Variants in FHIT observed in about 807,000 individuals in gnomAD.
FHIT encodes fragile histidine triad diadenosine triphosphatase.
Under a neutral mutation model 17.9 loss-of-function variants are expected in FHIT, and 19 were observed. That is an observed-to-expected ratio of 1.06 (90% CI 0.74 to 1.56). The LOEUF is 1.56. Ranked by LOEUF, FHIT falls within the 40% of genes most tolerant of loss-of-function variation. The pLI is 0.00. For missense variants in FHIT, 248 were observed against 189.2 expected (o/e 1.31, Z -1.82); for synonymous variants, 81 against 69.7 (o/e 1.16, Z -0.81).
intron 8 of FHIT, among the ~76,000 whole-genome samples, chr3:59,885,994 A>C (rs1703607362): frequency 1.3e-5 from 2 of 152,160 alleles, no homozygotes; most frequent in Non-Finnish European, 1.5e-5. Context: ...GGGTTATGGG[A>C]TCAAGGCAAA....
intron 3 of FHIT, among the ~76,000 whole-genome samples, chr3:60,965,086 G>T (rs1292102000): frequency 2.0e-5 from 3 of 152,082 alleles, no homozygotes; most frequent in African/African-American, 7.2e-5. Flanking sequence ...CGTAGATTTG[G>T]TCTTTTCACA....
At chr3:60,036,328 T>C (rs1033348634) in intron 5 of FHIT, among the ~76,000 whole-genome samples, 2 of 152,182 alleles carry the variant, frequency 1.3e-5, no homozygotes, top group Non-Finnish European at 2.9e-5. Context: ...GTTCATATGG[T>C]TAATATACAG....
rs185445047 is a variant in FHIT, at chr3:60,399,494, C to G, written c.103+137366G>C. Among the ~76,000 whole-genome samples, 7 of 152,300 alleles carry G rather than the reference C, an allele frequency of 4.6e-5. No homozygotes were observed. The South Asian group carries it at 1.5e-3, about 32-fold the overall frequency. ...ATCTGATCTCAAGTCTTCTGACTCA[C>G]ACTCTATTTTGGACTGCTTTTGTCT... On this transcript the variant is annotated intron_variant, in intron 5 of 9. Coordinates refer to ENST00000492590, the MANE Select transcript of FHIT (RefSeq NM_002012.4).
Position 59,869,484 on chromosome 3 carries a change from C to CTTTTTTTTTTTTTTTTTTT in FHIT, c.348+52861_348+52862insAAAAAAAAAAAAAAAAAAA, listed in dbSNP as rs59589849. Among the ~76,000 whole-genome samples, 73 of 105,450 alleles carry CTTTTTTTTTTTTTTTTTTT rather than the reference C, an allele frequency of 6.9e-4. 9 individuals are homozygous for CTTTTTTTTTTTTTTTTTTT. Among genetic ancestry groups the CTTTTTTTTTTTTTTTTTTT allele is most frequent in the African/African-American group, 2.7e-3 (65 of 24,110 alleles). 69.2% of individuals were successfully genotyped at this position (105,450 alleles called of 152,430 possible). On this transcript the variant is annotated intron_variant, in intron 8 of 9. Coordinates refer to ENST00000492590, the MANE Select transcript of FHIT (RefSeq NM_002012.4). ...ATTCCATCTTTCCTTAAAGAACATC[C>CTTTTTTTTTTTTTTTTTTT]TTTTTTTTTTTTTTTTAGACAGAGT...
chr3:60,455,488 A>G (rs1023337465), intron 5 of FHIT, among the ~76,000 whole-genome samples: 1 of 152,176 alleles, frequency 6.6e-6, no homozygotes, highest in Non-Finnish European at 1.5e-5. Flanking sequence ...GAACAAAACC[A>G]GTTTAGTGTG....
intron 5 of FHIT, among the ~76,000 whole-genome samples, chr3:60,093,544 G>A (rs545384334): frequency 1.3e-5 from 2 of 152,290 alleles, no homozygotes; most frequent in Admixed American, 6.5e-5. Flanking sequence ...ATTACGACAT[G>A]GAGGTCTTTG....
At chr3:59,929,821 T>A (rs1026601199) in intron 7 of FHIT, among the ~76,000 whole-genome samples, 4 of 150,660 alleles carry the variant, frequency 2.7e-5, no homozygotes, top group African/African-American at 7.3e-5. Context: ...GCAATAACAA[T>A]CCTTTTCTTC....
chr3:60,725,019 C>T lies in FHIT; in HGVS notation c.-18+96900G>A, dbSNP rs192114170. ...TATCTCGTAATGGTTTTGATTTGCA[C>T]TTCCCTGATGGCTAATGATGTTGAG... On this transcript the variant is annotated intron_variant, in intron 4 of 9. Coordinates refer to ENST00000492590, the MANE Select transcript of FHIT (RefSeq NM_002012.4). Among the ~76,000 whole-genome samples, 8 of 152,242 alleles carry T rather than the reference C, an allele frequency of 5.3e-5. No individual in the cohort carries two copies. The East Asian group carries it at 1.4e-3, about 26-fold the overall frequency.
intron 5 of FHIT, among the ~76,000 whole-genome samples, chr3:60,201,902 A>T (rs1201987866): frequency 6.6e-6 from 1 of 152,108 alleles, no homozygotes; most frequent in Non-Finnish European, 1.5e-5. Context: ...TTGTTACATT[A>T]GCTCAGCATA....
At chr3:60,222,197 C>A (rs895202213) in intron 5 of FHIT, among the ~76,000 whole-genome samples, 2 of 151,862 alleles carry the variant, frequency 1.3e-5, no homozygotes, top group African/African-American at 4.8e-5. Context: ...ATCATTCTCT[C>A]TTATTTATTT....
chr3:60,592,384 A>G (rs1319880013), intron 4 of FHIT, among the ~76,000 whole-genome samples: 4 of 151,996 alleles, frequency 2.6e-5, no homozygotes, highest in Non-Finnish European at 5.9e-5. Context: ...AGGTATACCT[A>G]TCTGCAACAG....
chr3:59,927,586 T>A lies in FHIT; in HGVS notation c.280-5172A>T, dbSNP rs193017792. Among the ~76,000 whole-genome samples, 502 of 151,876 alleles carry A rather than the reference T, an allele frequency of 3.3e-3. 1 individual carries two copies. Among genetic ancestry groups the A allele is most frequent in the Non-Finnish European group, 6.0e-3 (411 of 67,982 alleles). On this transcript the variant is annotated intron_variant, in intron 7 of 9. Transcript: ENST00000492590. ...TTCGAGACCAGTCTGACCAACATTG[T>A]GAAACCCCGTCTCTACTAAAAATAC...
intron 4 of FHIT, among the ~76,000 whole-genome samples, chr3:60,647,545 T>C (rs972156679): frequency 2.6e-5 from 4 of 152,130 alleles, no homozygotes; most frequent in Non-Finnish European, 5.9e-5. Flanking sequence ...CTGGTTGTCC[T>C]CTCCTCTGCC....
At chr3:59,765,128 C>T in intron 8 of FHIT, among the ~76,000 whole-genome samples, 1 of 152,176 alleles carries the variant, frequency 6.6e-6, no homozygotes, top group East Asian at 1.9e-4. Context: ...AGAGTTATAA[C>T]TTCATGAATG....
At chr3:59,951,477 T>A (rs1257323952) in intron 7 of FHIT, among the ~76,000 whole-genome samples, 2 of 152,164 alleles carry the variant, frequency 1.3e-5, no homozygotes, top group East Asian at 3.9e-4. Context: ...CTGCTAATTG[T>A]CTTTTACCCA....
chr3:60,899,550 T>C (rs1395373133), intron 3 of FHIT, among the ~76,000 whole-genome samples: 3 of 152,200 alleles, frequency 2.0e-5, no homozygotes, highest in African/African-American at 7.2e-5. Context: ...CGGTAAAGGC[T>C]GCTCAGCAAA....
chr3:60,027,791 C>T (rs537224080), intron 5 of FHIT, among the ~76,000 whole-genome samples: 6 of 151,516 alleles, frequency 4.0e-5, no homozygotes, highest in East Asian at 3.9e-4. Context: ...TGATATTCCT[C>T]GATCCATCAT....
intron 7 of FHIT, among the ~76,000 whole-genome samples, chr3:59,995,365 A>T (rs1699462815): frequency 2.0e-5 from 3 of 152,080 alleles, no homozygotes; most frequent in Non-Finnish European, 1.5e-5. Context: ...TCACCTCTCA[A>T]GTGTCTTAAC....
chr3:60,918,324 G>T (rs1003301497), intron 3 of FHIT, among the ~76,000 whole-genome samples: 2 of 152,120 alleles, frequency 1.3e-5, no homozygotes, highest in Non-Finnish European at 2.9e-5. Flanking sequence ...ACCTGACTTT[G>T]GTTAAATTCA....
Sources: allele counts gnomAD v4.1 joint callset (sites outside exome capture counted in the v4.1 genomes callset), GRCh38; gene constraint gnomAD v4.1.1; transcripts MANE v1.5; gene names NCBI Gene and HGNC (gene_info 2026-07-23, HGNC 2026-07-21).